Variants in SOX5 observed in about 807,000 individuals in gnomAD.
SOX5 encodes the protein transcription factor SOX-5.
SOX5 carries 9 observed loss-of-function variants against 92.0 expected under a neutral mutation model. The ratio of observed to expected loss-of-function variants is 0.10; its 90% CI spans 0.06 to 0.17. The LOEUF is 0.17. SOX5 is among the 10% of genes least tolerant of loss of function. The pLI is 1.00. For synonymous variants in SOX5, 344 were observed against 336.3 expected, an observed-to-expected ratio of 1.02 and a Z score of -0.25; for missense variants, 642 against 944.5, an observed-to-expected ratio of 0.68 and a Z score of 4.20.
At chr12:24,173,147 A>G (rs1954388360) in intron 4 of SOX5, among the ~76,000 whole-genome samples, 1 of 152,132 alleles carries the variant, frequency 6.6e-6, no homozygotes, top group Non-Finnish European at 1.5e-5. Context: ...CATCTAACCC[A>G]TCGCATCGTC....
intron 3 of SOX5, among the ~76,000 whole-genome samples, chr12:23,799,558 C>G (rs2095624895): frequency 6.6e-6 from 1 of 151,996 alleles, no homozygotes; most frequent in South Asian, 2.1e-4. Context: ...CAACCAATAT[C>G]CGAAGTGAAA....
rs573304723 is a variant in SOX5, at chr12:24,140,429, CAT to C, written c.-2+72912_-2+72913del. On this transcript the variant is annotated intron_variant, in intron 4 of 4. Coordinates refer to the SOX5 transcript ENST00000446891. ...TAGAAATTCATTTTTTGAAAAATAA[CAT>C]GTGGATTTTATCATGTATACCATTA... Among the ~76,000 whole-genome samples, 403 of 152,188 alleles carry C rather than the reference CAT, an allele frequency of 2.6e-3. 1 individual carries two copies. The highest frequency in any genetic ancestry group is 8.0e-3 in the African/African-American group (331 of 41,518).
intron 6 of SOX5, among the ~76,000 whole-genome samples, chr12:23,702,238 A>G (rs1039618758): frequency 3.3e-5 from 5 of 152,126 alleles, no homozygotes; most frequent in Non-Finnish European, 4.4e-5. Context: ...ATTACAACTA[A>G]GGTGAAGATG....
intron 3 of SOX5, among the ~76,000 whole-genome samples, chr12:24,252,310 T>G (rs1940239219): frequency 6.6e-6 from 1 of 152,198 alleles, no homozygotes; most frequent in Non-Finnish European, 1.5e-5. Context: ...CTACGAAATT[T>G]TACCTCTAGT....
intron 9 of SOX5, among the ~76,000 whole-genome samples, chr12:23,600,280 GA>G (rs2074264853): frequency 6.6e-6 from 1 of 151,930 alleles, no homozygotes; most frequent in East Asian, 1.9e-4. Context: ...TAGCTGTTAG[GA>G]CACACAAGAG....
intron 3 of SOX5, among the ~76,000 whole-genome samples, chr12:24,219,272 T>G (rs574436924): frequency 1.3e-5 from 2 of 152,126 alleles, no homozygotes; most frequent in South Asian, 4.1e-4. Context: ...TCACAATAAT[T>G]TATTATATAT....
Position 23,691,422 on chromosome 12 carries a change from T to C in SOX5, c.811-25858A>G, listed in dbSNP as rs570304214. On this transcript the variant is annotated intron_variant, in intron 6 of 14. Coordinates refer to ENST00000451604, the MANE Select transcript of SOX5 (RefSeq NM_006940.6). ...TAGAAGTTATTCTCTCTTTTCCTACTATCTGGAAGAGTATGTGATCAGAAC... is the reference window on the plus strand; with the variant it reads ...TAGAAGTTATTCTCTCTTTTCCTACCATCTGGAAGAGTATGTGATCAGAAC... 9.8e-5 allele frequency among the ~76,000 whole-genome samples: 15 copies of C among 152,304 alleles called. 1 individual carries two copies. In the South Asian group the frequency reaches 3.1e-3, roughly 32 times the overall value.
intron 6 of SOX5, among the ~76,000 whole-genome samples, chr12:23,680,322 T>A: frequency 2.0e-5 from 2 of 98,964 alleles, no homozygotes; most frequent in South Asian, 3.6e-4. Context: ...TGAGACCTTG[T>A]CTCAAAAAAA....
chr12:24,246,841 G>A (rs1041891444), intron 3 of SOX5, among the ~76,000 whole-genome samples: 1 of 152,014 alleles, frequency 6.6e-6, no homozygotes, highest in Admixed American at 6.6e-5. Context: ...CCTTGAGACA[G>A]CTTATAATGA....
intron 1 of SOX5, among the ~76,000 whole-genome samples, chr12:24,401,873 C>T (rs761067252): frequency 2.6e-4 from 40 of 152,086 alleles, no homozygotes; most frequent in Admixed American, 3.9e-4. Flanking sequence ...ATCTGATCTG[C>T]AAAACTGTTT....
chr12:23,996,041 G>A (rs1951002028), intron 4 of SOX5, among the ~76,000 whole-genome samples: 1 of 152,112 alleles, frequency 6.6e-6, no homozygotes, highest in Admixed American at 6.6e-5. Context: ...CATTTAATAA[G>A]GATAGGACTG....
chr12:24,322,889 T>C (rs1486714365), intron 2 of SOX5, among the ~76,000 whole-genome samples: 1 of 152,170 alleles, frequency 6.6e-6, no homozygotes, highest in East Asian at 1.9e-4. Flanking sequence ...CACTTTCTAG[T>C]CATTATAACC....
intron 4 of SOX5, among the ~76,000 whole-genome samples, chr12:24,148,029 A>C: frequency 6.6e-6 from 1 of 152,210 alleles, no homozygotes; most frequent in South Asian, 2.1e-4. Flanking sequence ...AAAAACTCCT[A>C]GAGTTTTTGG....
At chr12:24,455,879 G>A (rs993377806) in intron 1 of SOX5, among the ~76,000 whole-genome samples, 5 of 152,112 alleles carry the variant, frequency 3.3e-5, no homozygotes, top group East Asian at 1.9e-4. Flanking sequence ...CCTACAAAGC[G>A]TCTAGGAGTA....
intron 4 of SOX5, among the ~76,000 whole-genome samples, chr12:23,989,961 A>T (rs1247763998): frequency 7.2e-5 from 11 of 152,190 alleles, no homozygotes; most frequent in Non-Finnish European, 1.3e-4. Context: ...AAAGGAAAAC[A>T]TTTTATTTAA....
chr12:23,935,757 T>C (rs922638052), intron 1 of SOX5, among the ~76,000 whole-genome samples: 1 of 151,268 alleles, frequency 6.6e-6, no homozygotes, highest in Non-Finnish European at 1.5e-5. Flanking sequence ...ACATTTTCAA[T>C]ATTTATTCAG....
rs1302131499 is a variant in SOX5, at chr12:24,466,489, C to T, written c.-251+95840G>A. Among the ~76,000 whole-genome samples, 7 of 152,280 alleles carry T rather than the reference C, an allele frequency of 4.6e-5. No individual in the cohort carries two copies. The South Asian group carries it at 1.2e-3, about 27-fold the overall frequency. ...ATTAATTATAAGTCATCTTGGTCCT[C>T]CATGGATATTGGCACAGACACAGGT... On this transcript the variant is annotated intron_variant, in intron 1 of 4. Transcript: ENST00000446891.
chr12:24,192,368 A>T (rs1956608205), intron 4 of SOX5, among the ~76,000 whole-genome samples: 1 of 152,052 alleles, frequency 6.6e-6, no homozygotes, highest in Non-Finnish European at 1.5e-5. Flanking sequence ...TGTTCTAAAA[A>T]ATCTCTTTTA....
chr12:23,900,694 G>T (rs1322215626), intron 1 of SOX5, among the ~76,000 whole-genome samples: 1 of 152,054 alleles, frequency 6.6e-6, no homozygotes, highest in Non-Finnish European at 1.5e-5. Context: ...CCCACCCCCA[G>T]GCCAAGTGCA....
Sources: allele counts gnomAD v4.1 joint callset (sites outside exome capture counted in the v4.1 genomes callset), GRCh38; gene constraint gnomAD v4.1.1; transcripts MANE v1.5; gene names NCBI Gene and HGNC (gene_info 2026-07-23, HGNC 2026-07-21).